GLIS3: variants seen among roughly 807,000 people sequenced by gnomAD.
The protein encoded by GLIS3 is zinc finger protein GLIS3.
Under a neutral mutation model 78.6 loss-of-function variants are expected in GLIS3, and 53 were observed. The observed-to-expected ratio is 0.67, with a 90% CI of 0.54 to 0.85. The LOEUF (loss-of-function observed/expected upper bound fraction) is 0.85. Among genes scored for constraint, GLIS3 ranks in the 40% least tolerant of loss-of-function variants. GLIS3 has a pLI of 0.00. For synonymous variants in GLIS3, 684 were observed against 509.9 expected (o/e 1.34, Z -4.60); for missense variants, 1,703 against 1,231.1 (o/e 1.38, Z -5.74).
At chr9:4,390,148 G>C in the GLIS3 span, among the ~76,000 whole-genome samples, 1 of 152,354 alleles carries the variant, frequency 6.6e-6, no homozygotes, top group South Asian at 2.1e-4. Context: ...ATCATGACAT[G>C]TTTGAAGATC....
chr9:4,195,553 C>G (rs1038000861), intron 2 of GLIS3, among the ~76,000 whole-genome samples: 4 of 152,242 alleles, frequency 2.6e-5, no homozygotes, highest in African/African-American at 9.6e-5. Flanking sequence ...GGCTCGGGAC[C>G]TGCAGCCCGC....
the GLIS3 span, among the ~76,000 whole-genome samples, chr9:4,396,167 C>T: frequency 6.6e-6 from 1 of 151,658 alleles, no homozygotes; most frequent in Non-Finnish European, 1.5e-5. Context: ...GGTTGTGGTA[C>T]ATTGGCATGA....
chr9:4,208,970 T>A (rs1350881730), intron 2 of GLIS3, among the ~76,000 whole-genome samples: 1 of 152,230 alleles, frequency 6.6e-6, no homozygotes, highest in East Asian at 1.9e-4. Flanking sequence ...CACTTCTTCA[T>A]AAAGCACTCT....
At chr9:3,862,744 T>C (rs1820300227) in intron 8 of GLIS3, among the ~76,000 whole-genome samples, 1 of 152,090 alleles carries the variant, frequency 6.6e-6, no homozygotes, top group African/African-American at 2.4e-5. Context: ...TCTGGATAGT[T>C]TTTCTTTCCC....
chr9:4,114,636 C>A lies in GLIS3; in HGVS notation c.1710+3132G>T, dbSNP rs531361572. Among the ~76,000 whole-genome samples, 3 of 152,208 alleles carry A rather than the reference C, an allele frequency of 2.0e-5. No homozygotes were observed. In the East Asian group the frequency reaches 5.8e-4, roughly 29 times the overall value. On this transcript the variant is annotated intron_variant, in intron 4 of 10. Transcript: ENST00000381971. Reference sequence around the variant, plus strand: ...GTTAATAGATAGCAGTGAATGGAGTCGGGTATTTTAAAATGTAATATTGGC... The same window carrying A: ...GTTAATAGATAGCAGTGAATGGAGTAGGGTATTTTAAAATGTAATATTGGC...
In GLIS3 at chr9:4,053,268, C is replaced by T. The variant is rs576299756; in HGVS notation, c.1710+64500G>A. Among the ~76,000 whole-genome samples the T allele has an allele frequency of 1.8e-3, 269 of 152,148 alleles. 2 individuals are homozygous for T. The highest frequency in any genetic ancestry group is 6.2e-3 in the African/African-American group (257 of 41,530). On this transcript the variant is annotated intron_variant, in intron 4 of 10. Coordinates refer to ENST00000381971, the MANE Select transcript of GLIS3 (RefSeq NM_001042413.2). ...CCAGCCTCATGTTTAATTTTATAAC[C>T]GGTATTAACTAGCATGAGGGGCCAT...
chr9:4,012,765 C>CTTTTTTTTT (rs71324278), intron 4 of GLIS3, among the ~76,000 whole-genome samples: 18 of 66,490 alleles, frequency 2.7e-4, no homozygotes, highest in Admixed American at 4.5e-4. Context: ...TTTTCTTTTT[C>CTTTTTTTTT]TTTTTTTTTT....
At chr9:4,283,286 GAT>G (rs1827720258) in intron 2 of GLIS3, among the ~76,000 whole-genome samples, 1 of 138,988 alleles carries the variant, frequency 7.2e-6, no homozygotes, top group African/African-American at 2.8e-5. Flanking sequence ...TTTTTTTTGA[GAT>G]AGAGTCTTGC....
At chr9:4,402,973 G>C in the GLIS3 span, among the ~76,000 whole-genome samples, 3 of 152,138 alleles carry the variant, frequency 2.0e-5, no homozygotes, top group African/African-American at 7.2e-5. Context: ...AAGGTTAATA[G>C]AACACCAAGC....
At chr9:4,402,880 A>C in the GLIS3 span, among the ~76,000 whole-genome samples, 7 of 152,308 alleles carry the variant, frequency 4.6e-5, no homozygotes, top group African/African-American at 1.7e-4. Context: ...TGGAGCTAGA[A>C]ATAGGGGTAG....
intron 2 of GLIS3, among the ~76,000 whole-genome samples, chr9:4,323,791 C>T (rs903596546): frequency 6.6e-6 from 1 of 152,166 alleles, no homozygotes; most frequent in Non-Finnish European, 1.5e-5. Flanking sequence ...GCTATTAAAT[C>T]CTCAGCCTAA....
intron 2 of GLIS3, among the ~76,000 whole-genome samples, chr9:4,182,426 T>C (rs1247024411): frequency 6.6e-6 from 1 of 152,144 alleles, no homozygotes; most frequent in Non-Finnish European, 1.5e-5. Flanking sequence ...GGTAATAAAT[T>C]ATGGAACACT....
At chr9:4,088,252 C>G (rs1829212214) in intron 4 of GLIS3, among the ~76,000 whole-genome samples, 2 of 152,236 alleles carry the variant, frequency 1.3e-5, no homozygotes, top group African/African-American at 4.8e-5. Context: ...TACCGACCTG[C>G]CTCCTTTTGG....
chr9:4,364,621 C>G, the GLIS3 span, among the ~76,000 whole-genome samples: 2 of 151,284 alleles, frequency 1.3e-5, no homozygotes, highest in Non-Finnish European at 2.9e-5. Flanking sequence ...ACATTATGTT[C>G]CAAAATGTTA....
chr9:3,901,546 G>GAAAGAC (rs1823302731), intron 6 of GLIS3, among the ~76,000 whole-genome samples: 1 of 152,194 alleles, frequency 6.6e-6, no homozygotes, highest in African/African-American at 2.4e-5. Flanking sequence ...TGATCAGAAA[G>GAAAGAC]AAAGACAAAC....
intron 2 of GLIS3, among the ~76,000 whole-genome samples, chr9:4,166,896 G>A (rs944215560): frequency 1.3e-5 from 2 of 152,212 alleles, no homozygotes; most frequent in Admixed American, 6.5e-5. Context: ...AACCAGAGAT[G>A]AGAGGAAGGA....
At chr9:4,277,229 A>G (rs764309257) in intron 2 of GLIS3, among the ~76,000 whole-genome samples, 5 of 152,218 alleles carry the variant, frequency 3.3e-5, no homozygotes, top group African/African-American at 4.8e-5. Context: ...TAAAGGAAAT[A>G]CTTTTCCTAA....
At chr9:4,342,644 G>A (rs1369113768) in intron 2 of GLIS3, among the ~76,000 whole-genome samples, 1 of 152,132 alleles carries the variant, frequency 6.6e-6, no homozygotes, top group East Asian at 1.9e-4. Flanking sequence ...AATGTCATTG[G>A]TGGTTTAATA....
intron 4 of GLIS3, among the ~76,000 whole-genome samples, chr9:4,060,030 A>C (rs1284900775): frequency 2.0e-5 from 3 of 152,088 alleles, no homozygotes; most frequent in Non-Finnish European, 4.4e-5. Flanking sequence ...TTCCGAATGC[A>C]TCCTTCCTCC....
Sources: allele counts gnomAD v4.1 joint callset (sites outside exome capture counted in the v4.1 genomes callset), GRCh38; gene constraint gnomAD v4.1.1; transcripts MANE v1.5; gene names NCBI Gene and HGNC (gene_info 2026-07-23, HGNC 2026-07-21).